Variants in ATP6V0A4 observed in about 807,000 individuals in gnomAD.
ATP6V0A4 encodes the protein V-type proton ATPase 116 kDa subunit a 4.
In ATP6V0A4, 86 loss-of-function variants were observed where a neutral mutation model predicts 107.3. That is an observed-to-expected ratio of 0.80 (90% confidence interval 0.67 to 0.96). The LOEUF (loss-of-function observed/expected upper bound fraction) is 0.96, where lower values mean the gene tolerates loss of function less well. Among genes scored for constraint, ATP6V0A4 ranks in the 40% least tolerant of loss-of-function variants. ATP6V0A4 has a pLI of 0.00. For synonymous variants in ATP6V0A4, 353 were observed against 381.4 expected (o/e 0.93, Z 0.87); for missense variants, 908 against 1,045.6 (o/e 0.87, Z 1.81).
At chr7:138,709,208 C>CAAAAA (rs60144433) in intron 21 of ATP6V0A4, among the ~76,000 whole-genome samples, 1 of 49,326 alleles carries the variant, frequency 2.0e-5, no homozygotes, top group African/African-American at 7.5e-5. Flanking sequence ...GAGCCTGTCT[C>CAAAAA]AAAAAAAAAA....
chr7:138,710,259 T>C (rs1266922144), intron 20 of ATP6V0A4, among the ~76,000 whole-genome samples: 11 of 150,950 alleles, frequency 7.3e-5, no homozygotes, highest in Non-Finnish European at 7.4e-5. Flanking sequence ...TGGCGTGATC[T>C]TGGCTCACTG....
At chr7:138,717,449 G>A (rs778443173) in intron 19 of ATP6V0A4, among the ~76,000 whole-genome samples, 1 of 152,180 alleles carries the variant, frequency 6.6e-6, no homozygotes, top group Non-Finnish European at 1.5e-5. Context: ...GGAGGCTGAG[G>A]CAGGAGAATC....
chr7:138,791,235 T>G (rs1013474143), intron 1 of ATP6V0A4, among the ~76,000 whole-genome samples: 1 of 151,954 alleles, frequency 6.6e-6, no homozygotes, highest in African/African-American at 2.4e-5. Context: ...TAAAAGAGGA[T>G]TAGACACAGA....
chr7:138,739,408 G>T, intron 15 of ATP6V0A4, 132 bp downstream of exon 15: 1 of 1,157,830 alleles, frequency 8.6e-7, no homozygotes, highest in Non-Finnish European at 1.2e-6. Context: ...TCACAAAAAC[G>T]TCAGCAGAAG....
chr7:138,769,351 G>A lies in ATP6V0A4; in HGVS notation c.118-100C>T, dbSNP rs1374849863. The A allele has an allele frequency of 2.8e-6, 4 of 1,448,094 alleles. No homozygotes were observed. The Admixed American group carries it at 7.8e-5, about 28-fold the overall frequency. The allele number at this position is 1,448,094 out of a possible 1,614,324, so 89.7% of individuals were successfully genotyped here. A position where few individuals can be genotyped will look rare whatever the true frequency, so the allele number is the denominator to read the frequency against. On this transcript the variant is annotated intron_variant, in intron 3 of 21. Transcript: ENST00000310018. ...TTTTTTGAGACTGAGTTTTAATCTT[G>A]TCACCCAGACTGGAGGGCAATGGCG...
At position 138,798,166 on chromosome 7, in the gene ATP6V0A4, T is replaced by A; in HGVS notation, c.-253A>T. 1 of 1,597,644 alleles carries A rather than the reference T, an allele frequency of 6.3e-7. No individual in the cohort carries two copies. Among genetic ancestry groups the A allele is most frequent in the East Asian group, 2.3e-5 (1 of 44,160 alleles). On this transcript the variant is annotated 5_prime_UTR_variant, in exon 1 of 22. Transcript: ENST00000310018. The stretch of plus-strand genomic sequence containing the variant: ...ATCCTCAGCCTGGCCTTTGCCTCCC[T>A]CCACTCGGCTTGCTCGGCAGGTAGC...
Position 138,784,253 on chromosome 7 carries a change from CAT to C in ATP6V0A4, c.-18+1903_-18+1904del, listed in dbSNP as rs59443230. 6.6e-3 allele frequency among the ~76,000 whole-genome samples: 695 copies of C among 106,080 alleles called. 24 individuals carry two copies. Among genetic ancestry groups the C allele is most frequent in the African/African-American group, 0.03 (572 of 19,266 alleles). 69.6% of individuals were successfully genotyped at this position (106,080 alleles called of 152,430 possible). ...ATATATACGTATATATATATATATACATATATATATATACATATATATATATA... is the reference window on the plus strand; with the variant it reads ...ATATATACGTATATATATATATATACATATATATATACATATATATATATA... On this transcript the variant is annotated intron_variant, in intron 2 of 21. Transcript: ENST00000310018.
intron 1 of ATP6V0A4, among the ~76,000 whole-genome samples, chr7:138,793,376 G>A (rs894217361): frequency 9.9e-5 from 15 of 152,150 alleles, no homozygotes; most frequent in East Asian, 1.9e-4. Flanking sequence ...TCAAAATTCC[G>A]TATTTGTTTG....
chr7:138,796,264 A>T (rs753481400), intron 1 of ATP6V0A4, among the ~76,000 whole-genome samples: 1 of 152,084 alleles, frequency 6.6e-6, no homozygotes, highest in East Asian at 1.9e-4. Context: ...ATGTTCAACT[A>T]GTGGTAATGC....
At chr7:138,796,036 G>A (rs530176252) in intron 1 of ATP6V0A4, among the ~76,000 whole-genome samples, 8 of 152,180 alleles carry the variant, frequency 5.3e-5, no homozygotes, top group East Asian at 1.9e-4. Flanking sequence ...GGGATTCCAC[G>A]TACCGCTGTT....
At chr7:138,786,454 C>T (rs970890738) in intron 1 of ATP6V0A4, among the ~76,000 whole-genome samples, 194 bp from the exon 2 acceptor site, 1 of 151,954 alleles carries the variant, frequency 6.6e-6, no homozygotes, top group Admixed American at 6.6e-5. Flanking sequence ...TGGCATGCAT[C>T]TCTAGTCCCA....
At chr7:138,737,713 C>T (rs1319732753) in intron 15 of ATP6V0A4, among the ~76,000 whole-genome samples, 4 of 150,566 alleles carry the variant, frequency 2.7e-5, no homozygotes, top group African/African-American at 7.3e-5. Flanking sequence ...TCCCGAGTAG[C>T]TGGGATCACA....
chr7:138,773,433 C>T lies in ATP6V0A4; in HGVS notation c.-17-2169G>A, dbSNP rs190728922. On this transcript the variant is annotated intron_variant, in intron 2 of 21. Transcript: ENST00000310018. This position sits in a 1 kb window ranked among gnomAD's most constrained non-coding sequence, Gnocchi z 5.4. ...CCTTCCCTGACACCTCCAGCTCCCTCAAGGAGCTAAGCCCCCTCCTACATG... is the reference window on the plus strand; with the variant it reads ...CCTTCCCTGACACCTCCAGCTCCCTTAAGGAGCTAAGCCCCCTCCTACATG... Among the ~76,000 whole-genome samples, 1 of 152,318 alleles carries T rather than the reference C, an allele frequency of 6.6e-6. No homozygotes were observed. The highest frequency in any genetic ancestry group is 1.9e-4 in the East Asian group (1 of 5,164).
intron 18 of ATP6V0A4, 129 bp downstream of exon 18, chr7:138,728,632 G>A: frequency 7.9e-7 from 1 of 1,266,880 alleles, no homozygotes; most frequent in East Asian, 2.3e-5. Flanking sequence ...ACTCAGGGCG[G>A]GTCAGTTCCT....
At position 138,728,890 on chromosome 7, in the gene ATP6V0A4, T is replaced by C. The variant is rs764884367; in HGVS notation, c.1909-28A>G. ...GCAAGACCAAAATGGCGAGATCTCA[T>C]CATTTTCACATGGCAGAACAGCACA... On this transcript the variant is annotated intron_variant, in intron 17 of 21. Coordinates refer to ENST00000310018, the MANE Select transcript of ATP6V0A4 (RefSeq NM_020632.3). The C allele has an allele frequency of 5.6e-6, 9 of 1,613,858 alleles. No individual in the cohort carries two copies. In the South Asian group the frequency reaches 8.8e-5, roughly 16 times the overall value.
At chr7:138,778,550 G>A (rs149993568) in intron 2 of ATP6V0A4, among the ~76,000 whole-genome samples, 1 of 152,114 alleles carries the variant, frequency 6.6e-6, no homozygotes, top group Non-Finnish European at 1.5e-5. Context: ...TCCGGACTCA[G>A]TGCGGCAGAA....
intron 2 of ATP6V0A4, among the ~76,000 whole-genome samples, chr7:138,776,339 G>A (rs1036308097): frequency 2.0e-5 from 3 of 152,240 alleles, no homozygotes; most frequent in South Asian, 2.1e-4. Flanking sequence ...CTGGAGGAAA[G>A]GAGTTGCTTG....
intron 14 of ATP6V0A4, 79 bp downstream of exon 14, chr7:138,745,044 A>G: frequency 7.6e-7 from 1 of 1,320,646 alleles, no homozygotes; most frequent in Non-Finnish European, 1.1e-6. Flanking sequence ...ACCTAGGTGT[A>G]GACTCCCCCA....
chr7:138,770,244 AG>A (rs1461483568), intron 3 of ATP6V0A4, among the ~76,000 whole-genome samples: 1 of 152,006 alleles, frequency 6.6e-6, no homozygotes, highest in African/African-American at 2.4e-5. Context: ...AAAGGAAGGA[AG>A]GAAGAGAGGG....
Sources: allele counts gnomAD v4.1 joint callset (sites outside exome capture counted in the v4.1 genomes callset), GRCh38; gene constraint gnomAD v4.1.1; non-coding constraint Gnocchi (gnomAD v3.1); transcripts MANE v1.5; gene names NCBI Gene and HGNC (gene_info 2026-07-23, HGNC 2026-07-21).